The following AIG1 variants were observed in gnomAD, a reference collection of about 807,000 sequenced individuals.
The protein encoded by AIG1 is androgen-induced gene 1 protein.
AIG1 carries 23 observed loss-of-function variants against 31.4 expected under a neutral mutation model. That is an observed-to-expected ratio of 0.73 (90% CI 0.53 to 1.04). The LOEUF is 1.04. Ranked by LOEUF, AIG1 falls within the 50% of genes least tolerant of loss-of-function variation. The pLI, the probability that AIG1 is intolerant of heterozygous loss-of-function variation, is 0.00. For missense variants in AIG1, 274 were observed against 295.0 expected, an observed-to-expected ratio of 0.93 and a Z score of 0.52; for synonymous variants, 100 against 110.5, an observed-to-expected ratio of 0.90 and a Z score of 0.60.
At chr6:143,090,438 G>C (rs1779200774) in intron 1 of AIG1, among the ~76,000 whole-genome samples, 1 of 152,148 alleles carries the variant, frequency 6.6e-6, no homozygotes, top group African/African-American at 2.4e-5. Flanking sequence ...TTCAGGATGT[G>C]AGAACATAGT....
intron 4 of AIG1, among the ~76,000 whole-genome samples, chr6:143,287,332 A>G (rs1307042895): frequency 6.6e-6 from 1 of 152,104 alleles, no homozygotes; most frequent in African/African-American, 2.4e-5. Context: ...TTAGTTCCCC[A>G]AACAGTCCTT....
chr6:143,300,680 A>G (rs1798761381), intron 4 of AIG1, among the ~76,000 whole-genome samples: 1 of 152,262 alleles, frequency 6.6e-6, no homozygotes. Flanking sequence ...TACTAAATTA[A>G]GGAAAGTCTT....
chr6:143,284,892 A>G lies in AIG1; in HGVS notation c.515+667A>G, dbSNP rs989248181. On this transcript the variant is annotated intron_variant, in intron 4 of 5. Coordinates refer to ENST00000357847, the MANE Select transcript of AIG1 (RefSeq NM_016108.4). This position sits in a 1 kb window ranked among gnomAD's most constrained non-coding sequence, Gnocchi z 4.4. ...TTCTTATCAGGTTTTTAACACTTCA[A>G]AAATTATTTATCTTAACATAGAGAA... 4.6e-5 allele frequency among the ~76,000 whole-genome samples: 7 copies of G among 152,146 alleles called. No individual in the cohort carries two copies. The highest frequency in any genetic ancestry group is 1.7e-4 in the African/African-American group (7 of 41,422).
intron 3 of AIG1, among the ~76,000 whole-genome samples, chr6:143,228,791 G>A (rs1400316868): frequency 1.3e-5 from 2 of 152,228 alleles, no homozygotes; most frequent in African/African-American, 4.8e-5. Flanking sequence ...CTGCTCCTTT[G>A]TGTAGGTGTG....
intron 4 of AIG1, among the ~76,000 whole-genome samples, chr6:143,321,099 C>T (rs1052824856): frequency 1.7e-4 from 26 of 151,452 alleles, no homozygotes; most frequent in African/African-American, 6.3e-4. Flanking sequence ...GGATTACAGG[C>T]GTGAGCCACT....
At chr6:143,165,552 C>T (rs927873399) in intron 3 of AIG1, among the ~76,000 whole-genome samples, 33 of 152,124 alleles carry the variant, frequency 2.2e-4, no homozygotes, top group East Asian at 1.9e-4. Context: ...ACCAGCCCTC[C>T]GCTCCACCTG....
intron 1 of AIG1, among the ~76,000 whole-genome samples, chr6:143,076,988 T>C (rs1777796141): frequency 6.6e-6 from 1 of 152,224 alleles, no homozygotes; most frequent in Non-Finnish European, 1.5e-5. Flanking sequence ...TTTTTTAATA[T>C]TTAACTTTAT....
At chr6:143,068,621 ATACT>A (rs1295712180) in intron 1 of AIG1, among the ~76,000 whole-genome samples, 9 of 152,268 alleles carry the variant, frequency 5.9e-5, no homozygotes, top group African/African-American at 1.9e-4. Context: ...AAAGCGATAC[ATACT>A]TATTATAGAA....
intron 3 of AIG1, among the ~76,000 whole-genome samples, chr6:143,191,429 C>T (rs1325993931): frequency 6.6e-6 from 1 of 151,972 alleles, no homozygotes; most frequent in East Asian, 1.9e-4. Flanking sequence ...TTATATGAAA[C>T]AAAATATAAA....
At chr6:143,061,359 A>G (rs1352719789) in intron 1 of AIG1, 1 of 542,838 alleles carries the variant, frequency 1.8e-6, no homozygotes, top group Non-Finnish European at 3.6e-6. Flanking sequence ...GGAGGGGGAC[A>G]CCGAACTGCT....
At chr6:143,208,913 A>G (rs1791362077) in intron 3 of AIG1, among the ~76,000 whole-genome samples, 1 of 152,074 alleles carries the variant, frequency 6.6e-6, no homozygotes, top group African/African-American at 2.4e-5. Context: ...GAGAGAAGCG[A>G]TTGCTGAGAG....
intron 3 of AIG1, among the ~76,000 whole-genome samples, chr6:143,225,171 TCTG>T (rs1261941423): frequency 6.6e-6 from 1 of 152,192 alleles, no homozygotes; most frequent in Non-Finnish European, 1.5e-5. Context: ...CACTGTCCTT[TCTG>T]CTGAAGTGTG....
In AIG1 at chr6:143,299,732, G is replaced by A. The variant is rs566773552; in HGVS notation, c.515+15507G>A. 1.7e-4 allele frequency among the ~76,000 whole-genome samples: 26 copies of A among 152,174 alleles called. No homozygotes were observed. In the South Asian group the frequency reaches 4.4e-3, roughly 26 times the overall value. On this transcript the variant is annotated intron_variant, in intron 4 of 5. Transcript: ENST00000357847. The surrounding 1 kb of genome is among the most constrained non-coding windows in gnomAD (Gnocchi z 4.1). Reference sequence around the variant, plus strand: ...AGTAGGCTCTGCCTCTTCTCAGAACGCCACACATCAGCTCTGCTAAACTGC... The same window carrying A: ...AGTAGGCTCTGCCTCTTCTCAGAACACCACACATCAGCTCTGCTAAACTGC...
chr6:143,178,680 T>C (rs767950433), intron 3 of AIG1, among the ~76,000 whole-genome samples: 22 of 152,222 alleles, frequency 1.4e-4, no homozygotes, highest in Non-Finnish European at 2.1e-4. Flanking sequence ...TCCAGTGTTC[T>C]CCCCTAGACT....
At chr6:143,181,066 T>G (rs1788671462) in intron 3 of AIG1, among the ~76,000 whole-genome samples, 1 of 152,230 alleles carries the variant, frequency 6.6e-6, no homozygotes. Flanking sequence ...ATACACAGAT[T>G]GTGCCTTTCA....
rs141375344 is a variant in AIG1 at position 143,297,436 on chromosome 6, G to C, written c.515+13211G>C. 8.8e-4 allele frequency among the ~76,000 whole-genome samples: 134 copies of C among 152,242 alleles called. 1 individual carries two copies. Among genetic ancestry groups the C allele is most frequent in the African/African-American group, 3.1e-3 (128 of 41,540 alleles). On this transcript the variant is annotated intron_variant, in intron 4 of 5. Transcript: ENST00000357847. This position sits in a 1 kb window ranked among gnomAD's most constrained non-coding sequence, Gnocchi z 5.1. ...TTCTTTGACTGGTTATTTCATGATTGGGTGGGTGGTTATTTAGATGATTGG... is the reference window on the plus strand; with the variant it reads ...TTCTTTGACTGGTTATTTCATGATTCGGTGGGTGGTTATTTAGATGATTGG...
chr6:143,209,507 A>G (rs1791421779), intron 3 of AIG1, among the ~76,000 whole-genome samples: 1 of 152,166 alleles, frequency 6.6e-6, no homozygotes, highest in Non-Finnish European at 1.5e-5. Context: ...TGTCAGAGTA[A>G]TATGATGTAA....
intron 4 of AIG1, among the ~76,000 whole-genome samples, chr6:143,323,735 G>A (rs942270553): frequency 1.3e-5 from 2 of 152,070 alleles, no homozygotes; most frequent in Admixed American, 6.6e-5. Context: ...GCCCCTCACA[G>A]CCACGCAATC....
chr6:143,061,097 G>T, intron 1 of AIG1, 31 bp downstream of exon 1: 1 of 1,605,636 alleles, frequency 6.2e-7, no homozygotes, highest in Non-Finnish European at 8.5e-7. Flanking sequence ...TGCTCGCCCC[G>T]CACCCCGTGC....
Sources: allele counts gnomAD v4.1 joint callset (sites outside exome capture counted in the v4.1 genomes callset), GRCh38; gene constraint gnomAD v4.1.1; non-coding constraint Gnocchi (gnomAD v3.1); transcripts MANE v1.5; gene names NCBI Gene and HGNC (gene_info 2026-07-23, HGNC 2026-07-21).